The following ALPL variants were observed in gnomAD, a reference collection of about 807,000 sequenced individuals.
ALPL encodes the protein alkaline phosphatase, tissue-nonspecific isozyme.
In ALPL, 42 loss-of-function variants were observed where a neutral mutation model predicts 51.3. The ratio of observed to expected loss-of-function variants is 0.82; its 90% confidence interval spans 0.64 to 1.06. The LOEUF is 1.06. Ranked by LOEUF, ALPL falls within the 50% of genes least tolerant of loss-of-function variation. The pLI is 0.00. For synonymous variants in ALPL, 279 were observed against 296.4 expected (o/e 0.94, Z 0.60); for missense variants, 589 against 709.4 (o/e 0.83, Z 1.93).
Position 21,564,920 on chromosome 1 carries a change from G to T in ALPL, c.648+704G>T, listed in dbSNP as rs1219175611. ...GAAACACACTTCAACAAACTGAGCT[G>T]ACTCATGGAGACAGAAGTCATCCAT... On this transcript the variant is annotated intron_variant, in intron 6 of 11. Transcript: ENST00000374840. The surrounding 1 kb of genome is among the most constrained non-coding windows in gnomAD (Gnocchi z 5.8). 6.6e-6 allele frequency among the ~76,000 whole-genome samples: 1 copy of T among 152,208 alleles called. No homozygotes were observed. Among genetic ancestry groups the T allele is most frequent in the African/African-American group, 2.4e-5 (1 of 41,450 alleles).
At chr1:21,551,314 A>T (rs910653089) in intron 1 of ALPL, 2 of 152,352 alleles carry the variant, frequency 1.3e-5, no homozygotes, top group African/African-American at 4.8e-5. Flanking sequence ...ATGGCCCAGG[A>T]AAGAACTATA....
At position 21,563,247 on chromosome 1, in the gene ALPL, C is replaced by T. The variant is rs930415465; in HGVS notation, c.435C>T (p.Asn145=). The change falls in exon 5 of 12, where the codon AAC becomes AAT. Residue 145 remains asparagine, a synonymous_variant. Transcript: ENST00000374840. ...ERSRCNTTQG[N]EVTSILRWAK... is the part of the protein sequence containing the mutation. ...CCCGGTGCAACACCACCCAGGGGAA[C>T]GAGGTCACCTCCATCCTGCGCTGGG... 3 of 1,613,592 alleles carry T rather than the reference C, an allele frequency of 1.9e-6. No individual in the cohort carries two copies. The highest frequency in any genetic ancestry group is 2.2e-5 in the South Asian group (2 of 91,056).
intron 1 of ALPL, among the ~76,000 whole-genome samples, chr1:21,519,906 C>T (rs1272929479): frequency 1.3e-5 from 2 of 152,144 alleles, no homozygotes; most frequent in African/African-American, 4.8e-5. Flanking sequence ...CCCACCTGTT[C>T]CCTAGGCCTT....
rs1402003694 is a variant in ALPL, at chr1:21,577,390, C to T, written c.1317C>T (p.Asn439=). 6.2e-7 allele frequency: 1 copy of T among 1,613,318 alleles called. No homozygotes were observed. The highest frequency in any genetic ancestry group is 2.2e-5 in the East Asian group (1 of 44,884). ...GTTTCCCCTGGCCCACAGCTCACAA[C>T]AACTACCAGGCGCAGTCTGCTGTGC... ...ENVSMVDYAH[N]NYQAQSAVPL... is the part of the protein sequence containing the mutation. The change falls in exon 12 of 12, where the codon AAC becomes AAT. Residue 439 remains asparagine, a synonymous_variant. Transcript: ENST00000374840.
chr1:21,515,267 G>T (rs1643772801), intron 1 of ALPL, among the ~76,000 whole-genome samples: 1 of 152,126 alleles, frequency 6.6e-6, no homozygotes. Context: ...TTGCAGAGAT[G>T]GGGCCCTGCT....
chr1:21,571,433 G>A (rs532707420), intron 8 of ALPL, among the ~76,000 whole-genome samples: 2 of 152,214 alleles, frequency 1.3e-5, no homozygotes, highest in East Asian at 3.9e-4. Context: ...AGCACTTTGG[G>A]AGGCCGAGGT....
In ALPL at chr1:21,537,568, C is replaced by T. The variant is rs371935792; in HGVS notation, c.-104-16410C>T. On this transcript the variant is annotated intron_variant, in intron 1 of 11. Coordinates refer to ENST00000374840, the MANE Select transcript of ALPL (RefSeq NM_000478.6). ...AGCTCTCATTGCCAGAACCACCCCCCCCACCGCCATCCCCCTACACCCCAG... is the reference window on the plus strand; with the variant it reads ...AGCTCTCATTGCCAGAACCACCCCCTCCACCGCCATCCCCCTACACCCCAG... Among the ~76,000 whole-genome samples the T allele has an allele frequency of 4.1e-4, 62 of 152,346 alleles. 1 individual carries two copies. In the East Asian group the frequency reaches 9.7e-3, roughly 24 times the overall value.
intron 1 of ALPL, among the ~76,000 whole-genome samples, chr1:21,538,106 C>A (rs1447392921): frequency 6.6e-6 from 1 of 152,196 alleles, no homozygotes; most frequent in African/African-American, 2.4e-5. Context: ...GCGTACCAGG[C>A]CCTGGGTCTT....
chr1:21,565,175 C>A (rs1371787088), intron 6 of ALPL, among the ~76,000 whole-genome samples: 3 of 152,194 alleles, frequency 2.0e-5, no homozygotes, highest in Non-Finnish European at 4.4e-5. Context: ...CACTGCCCCC[C>A]ACAAATTTCT....
chr1:21,528,591 C>T (rs1258782233), intron 1 of ALPL, among the ~76,000 whole-genome samples: 2 of 151,592 alleles, frequency 1.3e-5, no homozygotes, highest in African/African-American at 4.8e-5. Context: ...ACCTTGTGAT[C>T]CACCCACCTT....
At position 21,577,752 on chromosome 1, in the gene ALPL, C is replaced by T; in HGVS notation, c.*104C>T. ...GAGGTGGGGGCCTCCTCAGCCTCTG[C>T]AACTGCAAGAAAGGGGACCCAAGAA... On this transcript the variant is annotated 3_prime_UTR_variant, in exon 12 of 12. Coordinates refer to ENST00000374840, the MANE Select transcript of ALPL (RefSeq NM_000478.6). 7.0e-7 allele frequency: 1 copy of T among 1,426,834 alleles called. No homozygotes were observed. 88.4% of individuals were successfully genotyped at this position (1,426,834 alleles called of 1,614,324 possible). A position where few individuals can be genotyped will look rare whatever the true frequency, so the allele number is the denominator to read the frequency against.
intron 1 of ALPL, among the ~76,000 whole-genome samples, chr1:21,553,602 G>A (rs896800639): frequency 3.9e-5 from 6 of 152,200 alleles, no homozygotes; most frequent in African/African-American, 9.7e-5. Flanking sequence ...CCAGTGGGCC[G>A]GGAATCTGTT....
chr1:21,575,377 T>G (rs980444723), intron 9 of ALPL, among the ~76,000 whole-genome samples: 1 of 152,186 alleles, frequency 6.6e-6, no homozygotes, highest in Admixed American at 6.5e-5. Context: ...GATTCCAGCG[T>G]GCCCCCTTCC....
At chr1:21,572,578 T>C (rs1644664884) in intron 8 of ALPL, among the ~76,000 whole-genome samples, 2 of 152,166 alleles carry the variant, frequency 1.3e-5, no homozygotes, top group South Asian at 4.1e-4. Flanking sequence ...TTGGGCACCA[T>C]CTTGGAGGCT....
intron 1 of ALPL, among the ~76,000 whole-genome samples, chr1:21,517,184 A>C (rs1418860181): frequency 2.0e-5 from 3 of 152,218 alleles, no homozygotes; most frequent in Non-Finnish European, 2.9e-5. Context: ...TAAAGAAAAA[A>C]ATCTTAAGTG....
chr1:21,568,303 G>A, intron 7 of ALPL, 56 bp downstream of exon 7: 2 of 1,611,162 alleles, frequency 1.2e-6, no homozygotes, highest in Non-Finnish European at 1.7e-6. Flanking sequence ...GGGAGAGGCT[G>A]TGTGACCCCT....
intron 1 of ALPL, among the ~76,000 whole-genome samples, chr1:21,539,988 A>G (rs1644160931): frequency 6.6e-6 from 1 of 152,146 alleles, no homozygotes; most frequent in African/African-American, 2.4e-5. Flanking sequence ...TTGTGAGAGC[A>G]AGGATGGGCC....
At chr1:21,537,695 A>T (rs957547952) in intron 1 of ALPL, among the ~76,000 whole-genome samples, 1 of 152,116 alleles carries the variant, frequency 6.6e-6, no homozygotes, top group African/African-American at 2.4e-5. Context: ...CTGGCATGTG[A>T]CTGAGATGGG....
At chr1:21,571,626 C>T (rs10917012) in intron 8 of ALPL, among the ~76,000 whole-genome samples, 27,931 of 151,436 alleles carry the variant, frequency 0.18, 3,115 homozygotes, top group East Asian at 0.45. Context: ...GAGCCAAGAT[C>T]GCACCACTGC....
Sources: gnomAD v4.1 joint callset for allele counts (sites outside exome capture counted in the v4.1 genomes callset) on GRCh38, gnomAD v4.1.1 for gene constraint, Gnocchi (gnomAD v3.1) non-coding constraint, MANE v1.5 for transcripts, NCBI Gene and HGNC (gene_info 2026-07-23, HGNC 2026-07-21) for gene names.